Variants in PCSK5 observed in about 807,000 individuals in gnomAD.
The protein encoded by PCSK5 is proprotein convertase subtilisin/kexin type 5, also known as prohormone convertase 5.
A neutral mutation model predicts 233.2 loss-of-function variants in PCSK5; 129 were observed. That is an observed-to-expected ratio of 0.55 (90% confidence interval 0.48 to 0.64). The LOEUF (loss-of-function observed/expected upper bound fraction) is 0.64. PCSK5 is among the 30% of genes least tolerant of loss of function. PCSK5 has a pLI of 0.00. For missense variants in PCSK5, 2,076 were observed against 2,430.1 expected, an observed-to-expected ratio of 0.85 and a Z score of 3.06; for synonymous variants, 825 against 879.2, an observed-to-expected ratio of 0.94 and a Z score of 1.09.
intron 2 of PCSK5, among the ~76,000 whole-genome samples, chr9:75,962,851 G>A (rs1463867391): frequency 7.9e-5 from 12 of 152,168 alleles, no homozygotes; most frequent in Admixed American, 5.9e-4. Context: ...GGGCCTCTGC[G>A]CACACCCAGA....
chr9:76,188,510 T>A, intron 17 of PCSK5, 68 bp from the exon 18 acceptor site: 1 of 954,614 alleles, frequency 1.0e-6, no homozygotes, highest in Non-Finnish European at 1.7e-6. Flanking sequence ...CATATGGAGT[T>A]TGGGGAGTCA....
At chr9:75,984,146 A>G (rs1007310153) in intron 2 of PCSK5, among the ~76,000 whole-genome samples, 2 of 152,190 alleles carry the variant, frequency 1.3e-5, no homozygotes, top group African/African-American at 4.8e-5. Context: ...GCTGTTGGGT[A>G]AGATATTTTG....
At chr9:76,166,087 T>C (rs952047754) in intron 12 of PCSK5, among the ~76,000 whole-genome samples, 1 of 152,188 alleles carries the variant, frequency 6.6e-6, no homozygotes, top group Non-Finnish European at 1.5e-5. Context: ...TGTGTACTTA[T>C]AAAGGACGGA....
At chr9:75,914,361 AAG>A (rs1340281085) in intron 1 of PCSK5, among the ~76,000 whole-genome samples, 1 of 152,098 alleles carries the variant, frequency 6.6e-6, no homozygotes, top group Non-Finnish European at 1.5e-5. Flanking sequence ...TACTATTAGG[AAG>A]AGTGTGTTTA....
intron 37 of PCSK5, among the ~76,000 whole-genome samples, chr9:76,358,234 G>T (rs764399638): frequency 6.6e-6 from 1 of 152,036 alleles, no homozygotes; most frequent in African/African-American, 2.4e-5. Flanking sequence ...GGCCGGGTGC[G>T]GTGGCTCACG....
chr9:76,079,125 G>A (rs1253734339), intron 7 of PCSK5, among the ~76,000 whole-genome samples: 1 of 151,600 alleles, frequency 6.6e-6, no homozygotes, highest in Non-Finnish European at 1.5e-5. Flanking sequence ...AATCGAGATG[G>A]AGTTCACCCT....
intron 5 of PCSK5, among the ~76,000 whole-genome samples, chr9:76,053,604 A>G (rs950235064): frequency 2.3e-4 from 35 of 152,324 alleles, no homozygotes; most frequent in African/African-American, 7.9e-4. Flanking sequence ...AAAATACCAC[A>G]GTCTCTTTCT....
chr9:76,289,420 G>C (rs537023794), intron 24 of PCSK5, among the ~76,000 whole-genome samples: 4 of 148,436 alleles, frequency 2.7e-5, no homozygotes, highest in Non-Finnish European at 6.0e-5. Context: ...CACCTTCCAA[G>C]ACAGCTAACA....
At chr9:75,922,398 GC>G (rs1202569188) in intron 1 of PCSK5, among the ~76,000 whole-genome samples, 2 of 152,114 alleles carry the variant, frequency 1.3e-5, no homozygotes, top group Non-Finnish European at 2.9e-5. Context: ...TGTGTTCTAG[GC>G]TCCAGGATTT....
At chr9:76,109,732 A>T (rs1000226627) in intron 9 of PCSK5, among the ~76,000 whole-genome samples, 18 of 152,196 alleles carry the variant, frequency 1.2e-4, no homozygotes, top group Non-Finnish European at 2.6e-4. Flanking sequence ...ATGATGAACT[A>T]TCTGATAAAC....
intron 2 of PCSK5, among the ~76,000 whole-genome samples, chr9:75,964,078 G>A (rs1245159475): frequency 4.6e-5 from 7 of 152,156 alleles, no homozygotes; most frequent in Non-Finnish European, 7.4e-5. Context: ...GAGAGGATTC[G>A]AAGCTATGTA....
chr9:76,168,944 A>C (rs1823208408), intron 12 of PCSK5, among the ~76,000 whole-genome samples: 1 of 152,174 alleles, frequency 6.6e-6, no homozygotes. Flanking sequence ...ATATTGTATA[A>C]ATTGAATCAT....
chr9:76,085,176 C>T (rs1257205993), intron 7 of PCSK5, among the ~76,000 whole-genome samples: 2 of 152,176 alleles, frequency 1.3e-5, no homozygotes, highest in South Asian at 4.1e-4. Flanking sequence ...CCTAGTCAAC[C>T]GTAGCTGAAT....
Position 75,891,053 on chromosome 9 carries a change from C to CGCCTGGGGCTGCGAGCTGCGGCG in PCSK5, c.-126_-125insTGGGGCTGCGAGCTGCGGCGGCC. ...CCGGGGCTAGCCGCCTCCTGCCGATCGCCCGGGGCTGCGAGCTGCGGCGGC... is the reference window on the plus strand; with the variant it reads ...CCGGGGCTAGCCGCCTCCTGCCGATCGCCTGGGGCTGCGAGCTGCGGCGGCCCGGGGCTGCGAGCTGCGGCGGC... On this transcript the variant is annotated 5_prime_UTR_variant, in exon 1 of 38. Coordinates refer to ENST00000674117, the MANE Select transcript of PCSK5 (RefSeq NM_001372043.1). The CGCCTGGGGCTGCGAGCTGCGGCG allele has an allele frequency of 1.3e-6, 1 of 741,270 alleles. No homozygotes were observed. Among genetic ancestry groups the CGCCTGGGGCTGCGAGCTGCGGCG allele is most frequent in the Non-Finnish European group, 1.9e-6 (1 of 513,902 alleles). 45.9% of individuals were successfully genotyped at this position (741,270 alleles called of 1,614,324 possible). A position where few individuals can be genotyped will look rare whatever the true frequency, so the allele number is the denominator to read the frequency against.
chr9:76,126,297 TA>T (rs1453137439), intron 9 of PCSK5, among the ~76,000 whole-genome samples: 1 of 152,058 alleles, frequency 6.6e-6, no homozygotes, highest in East Asian at 1.9e-4. Flanking sequence ...GTTTCTAAAA[TA>T]GGCATAATAA....
intron 5 of PCSK5, among the ~76,000 whole-genome samples, chr9:76,045,648 T>G (rs1190667535): frequency 6.6e-6 from 1 of 152,240 alleles, no homozygotes; most frequent in Non-Finnish European, 1.5e-5. Flanking sequence ...ACAATGTCTC[T>G]TGACTAATCA....
chr9:76,110,057 T>G (rs1832147797), intron 9 of PCSK5, among the ~76,000 whole-genome samples: 1 of 152,168 alleles, frequency 6.6e-6, no homozygotes, highest in African/African-American at 2.4e-5. Flanking sequence ...CCTCTTACAC[T>G]ATTGCTTCTC....
chr9:76,282,438 G>A (rs1827910954), intron 24 of PCSK5, among the ~76,000 whole-genome samples: 1 of 144,456 alleles, frequency 6.9e-6, no homozygotes, highest in Non-Finnish European at 1.5e-5. Context: ...TCCCACCTCA[G>A]CCTCCTGAGT....
At chr9:76,109,426 A>G (rs1832111878) in intron 9 of PCSK5, among the ~76,000 whole-genome samples, 1 of 87,836 alleles carries the variant, frequency 1.1e-5, no homozygotes, top group African/African-American at 4.7e-5. Context: ...TTACTGTAAC[A>G]CTATTATTTT....
Sources: allele counts gnomAD v4.1 joint callset (sites outside exome capture counted in the v4.1 genomes callset), GRCh38; gene constraint gnomAD v4.1.1; transcripts MANE v1.5; gene names NCBI Gene and HGNC (gene_info 2026-07-23, HGNC 2026-07-21).